USP37: variants seen among roughly 807,000 people sequenced by gnomAD.
USP37 encodes ubiquitin specific peptidase 37.
In USP37, 27 loss-of-function variants were observed where a neutral mutation model predicts 124.0. The ratio of observed to expected loss-of-function variants is 0.22; its 90% CI spans 0.16 to 0.30. USP37 has a LOEUF of 0.30. Ranked by LOEUF, USP37 falls within the 10% of genes least tolerant of loss-of-function variation. The probability of loss-of-function intolerance (pLI) is 1.00; values close to 1 mark genes in which losing one functional copy is unlikely to be tolerated. For synonymous variants in USP37, 365 were observed against 388.0 expected, an observed-to-expected ratio of 0.94 and a Z score of 0.70; for missense variants, 889 against 1,140.4, an observed-to-expected ratio of 0.78 and a Z score of 3.17.
intron 11 of USP37, among the ~76,000 whole-genome samples, chr2:218,506,048 G>A (rs1689661508): frequency 6.6e-6 from 1 of 151,906 alleles, no homozygotes; most frequent in Admixed American, 6.6e-5. Flanking sequence ...ACTATTTGTA[G>A]AGATGGGGTT....
At chr2:218,504,599 A>T (rs1051809570) in intron 11 of USP37, among the ~76,000 whole-genome samples, 3 of 151,812 alleles carry the variant, frequency 2.0e-5, no homozygotes, top group Non-Finnish European at 4.4e-5. Flanking sequence ...CTAATTTTTT[A>T]TTTTATTTTA....
intron 17 of USP37, among the ~76,000 whole-genome samples, chr2:218,481,247 CAGGAGCCATTTA>C (rs1411764137): frequency 6.6e-6 from 1 of 152,166 alleles, no homozygotes; most frequent in African/African-American, 2.4e-5. Context: ...TGAGAAATTT[CAGGAGCCATTTA>C]AGTTCTTTAC....
rs188466420 is a variant in USP37, at chr2:218,550,014, C to T, written c.329-105G>A. The stretch of plus-strand genomic sequence containing the variant: ...TATAATATTGAAGAAATGGACGAAA[C>T]AGCAGGCAAAAAAGAAAACAAATCA... On this transcript the variant is annotated intron_variant, in intron 5 of 25. Transcript: ENST00000258399. 7.0e-4 allele frequency: 559 copies of T among 802,410 alleles called. 5 individuals are homozygous for T. In the African/African-American group the frequency reaches 9.2e-3, roughly 13 times the overall value. 49.7% of individuals were successfully genotyped at this position (802,410 alleles called of 1,614,324 possible).
rs150878701 is a variant in USP37, at chr2:218,510,021, G to C, written c.983C>G (p.Pro328Arg). 1.2e-3 allele frequency: 1,888 copies of C among 1,602,324 alleles called. 46 individuals are homozygous for C. The East Asian group carries it at 0.041, about 34-fold the overall frequency. Residue 328 changes from proline (P) to arginine (R), a missense_variant, in exon 11 of 26, where the codon CCA becomes CGA. By Grantham distance (103) the Pro-to-Arg change is moderately radical (BLOSUM62 -2). Around this residue, in one of 3 missense-constraint regions of USP37, gnomAD observed 374 missense variants for 386.0 expected, o/e 0.97. Coordinates refer to ENST00000258399, the MANE Select transcript of USP37 (RefSeq NM_020935.3). Reference sequence around the variant, plus strand: ...TTGGTGAGAGGAAAGGGGCACTCTTGGTTTATTCCAGCCAGTGTAATCCTG... The same window carrying C: ...TTGGTGAGAGGAAAGGGGCACTCTTCGTTTATTCCAGCCAGTGTAATCCTG... ...CNQDYTGWNKPRVPLSSHQQQ... is the reference protein window; with the variant it reads ...CNQDYTGWNKRRVPLSSHQQQ...
In USP37 at chr2:218,510,132, A is replaced by C; in HGVS notation, c.872T>G (p.Val291Gly). Residue 291 changes from valine (V) to glycine (G), a missense_variant, in exon 11 of 26, where the codon GTT (valine) becomes GGT (glycine). Coordinates refer to ENST00000258399, the MANE Select transcript of USP37 (RefSeq NM_020935.3). ...TTTGGCAGAGGGAGTCTGGCTTGAA[A>C]CATTAGTCCTACAAAAAAGCATAAA... ...SGGTNLDRTN[V>G]SSQTPSAKRS... is the part of the protein sequence containing the mutation. The C allele has an allele frequency of 6.2e-7, 1 of 1,606,078 alleles. No individual in the cohort carries two copies. The highest frequency in any genetic ancestry group is 8.5e-7 in the Non-Finnish European group (1 of 1,178,324).
intron 22 of USP37, among the ~76,000 whole-genome samples, chr2:218,463,041 C>G (rs945751295): frequency 4.6e-5 from 7 of 151,982 alleles, no homozygotes; most frequent in African/African-American, 1.7e-4. Context: ...GGTGGCACAA[C>G]CGCTAATTCC....
intron 11 of USP37, among the ~76,000 whole-genome samples, chr2:218,504,843 T>C (rs1043290119): frequency 6.6e-6 from 1 of 152,168 alleles, no homozygotes; most frequent in Non-Finnish European, 1.5e-5. Context: ...CAACTTGGCC[T>C]CCTGAAGTGT....
At chr2:218,457,302 C>G in intron 23 of USP37, 141 bp from the exon 24 acceptor site, 7 of 742,226 alleles carry the variant, frequency 9.4e-6, no homozygotes, top group Non-Finnish European at 1.5e-5. Context: ...TCTGTTCATA[C>G]CCTTTGACCC....
chr2:218,536,017 CAAAAAAAAAAA>C lies in USP37; in HGVS notation c.681-1322_681-1312del, dbSNP rs59248363. 3.2e-3 allele frequency among the ~76,000 whole-genome samples: 258 copies of C among 80,832 alleles called. 1 individual carries two copies. Among genetic ancestry groups the C allele is most frequent in the South Asian group, 0.014 (25 of 1,784 alleles). The allele number at this position is 80,832 out of a possible 152,430, so 53.0% of individuals were successfully genotyped here. On this transcript the variant is annotated intron_variant, in intron 8 of 25. Transcript: ENST00000258399. ...GGGTGACAAGAGCGAGACTTCATCT[CAAAAAAAAAAA>C]AAAAAAAAAAAAAAGGAAAAGAAAA...
intron 8 of USP37, among the ~76,000 whole-genome samples, chr2:218,542,182 T>C (rs1692014903): frequency 1.3e-5 from 2 of 152,208 alleles, no homozygotes; most frequent in African/African-American, 2.4e-5. Flanking sequence ...ACTCTGTTAT[T>C]TGTCTCCTCT....
intron 1 of USP37, among the ~76,000 whole-genome samples, chr2:218,563,416 G>A (rs1444729574): frequency 1.3e-5 from 2 of 152,312 alleles, no homozygotes; most frequent in Non-Finnish European, 2.9e-5. Context: ...TAAGAAGTCA[G>A]TGAGAAAGAA....
chr2:218,526,256 C>T (rs1690957345), intron 10 of USP37, among the ~76,000 whole-genome samples: 2 of 151,430 alleles, frequency 1.3e-5, no homozygotes, highest in African/African-American at 4.9e-5. Context: ...TTTTTTGAGA[C>T]AGTCTTGCTC....
At chr2:218,456,998 A>T in intron 24 of USP37, 94 bp downstream of exon 24, 1 of 1,267,002 alleles carries the variant, frequency 7.9e-7, no homozygotes, top group Non-Finnish European at 1.1e-6. Context: ...AAAAAGAAAA[A>T]CACACTTCAC....
rs143686613 is a variant in USP37 at position 218,511,359 on chromosome 2, T to G, written c.864-1219A>C. 7.7e-3 allele frequency among the ~76,000 whole-genome samples: 1,178 copies of G among 152,078 alleles called. 12 individuals are homozygous for G. Among genetic ancestry groups the G allele is most frequent in the Non-Finnish European group, 0.01 (682 of 67,966 alleles). ...GTTTTGCTCTTGTTGCCCAAGCTGG[T>G]GTGCAATGGCGCAATCTCGGCTCAC... On this transcript the variant is annotated intron_variant, in intron 10 of 25. Coordinates refer to ENST00000258399, the MANE Select transcript of USP37 (RefSeq NM_020935.3).
chr2:218,484,834 A>G (rs1486628845), intron 16 of USP37, among the ~76,000 whole-genome samples: 1 of 152,202 alleles, frequency 6.6e-6, no homozygotes, highest in Admixed American at 6.5e-5. Context: ...GTTAATAACA[A>G]CCTTGGTGTT....
chr2:218,509,466 T>A (rs1689858763), intron 11 of USP37, among the ~76,000 whole-genome samples: 1 of 152,164 alleles, frequency 6.6e-6, no homozygotes, highest in South Asian at 2.1e-4. Flanking sequence ...ATAGAGCTAC[T>A]GGCCAGGAAC....
In USP37 at chr2:218,455,666, G is replaced by A. The variant is rs749981218; in HGVS notation, c.2766C>T (p.Tyr922=). 3.1e-6 allele frequency: 5 copies of A among 1,614,180 alleles called. No homozygotes were observed. The highest frequency in any genetic ancestry group is 1.6e-4 in the Middle Eastern group (1 of 6,062). ...YDIKKQAWFT[Y]NDLEVSKIQE... is the part of the protein sequence containing the mutation. ...GGATTTTTGATACCTCCAGGTCATT[G>A]TAAGTAAACCACGCTTGCTTCTTAA... is the stretch of plus-strand genomic sequence containing the variant. Residue 922 remains tyrosine (Y), a synonymous_variant, in exon 25 of 26, where the codon TAC becomes TAT. Transcript: ENST00000258399.
chr2:218,468,100 G>A (rs1166012113), intron 20 of USP37, among the ~76,000 whole-genome samples: 1 of 150,618 alleles, frequency 6.6e-6, no homozygotes, highest in East Asian at 2.0e-4. Flanking sequence ...TGCTGGCCAG[G>A]CTGGTCTCGA....
At chr2:218,467,396 TG>T (rs1261237388) in intron 20 of USP37, among the ~76,000 whole-genome samples, 3 of 152,092 alleles carry the variant, frequency 2.0e-5, no homozygotes, top group Admixed American at 1.3e-4. Flanking sequence ...TTGCTCAGGC[TG>T]GAGTGCAGTG....
Sources: allele counts gnomAD v4.1 joint callset (sites outside exome capture counted in the v4.1 genomes callset), GRCh38; gene constraint gnomAD v4.1.1; regional missense constraint gnomAD v4.1.1; transcripts MANE v1.5; gene names NCBI Gene and HGNC (gene_info 2026-07-23, HGNC 2026-07-21).